USP50: variants seen among roughly 807,000 people sequenced by gnomAD.
The protein encoded by USP50 is ubiquitin specific peptidase 50, also known as ubiquitin carboxyl-terminal hydrolase 50.
A neutral mutation model predicts 39.2 loss-of-function variants in USP50; 37 were observed. The observed-to-expected ratio is 0.94, with a 90% CI of 0.73 to 1.24. The LOEUF (loss-of-function observed/expected upper bound fraction) is 1.24. Among genes scored for constraint, USP50 ranks in the 50% most tolerant of loss-of-function variants. The pLI is 0.00. For missense variants in USP50, 374 were observed against 398.2 expected, an observed-to-expected ratio of 0.94 and a Z score of 0.52; for synonymous variants, 139 against 144.5, an observed-to-expected ratio of 0.96 and a Z score of 0.27.
chr15:50,533,471 G>T (rs3105597), intron 5 of USP50, among the ~76,000 whole-genome samples: 10 of 151,654 alleles, frequency 6.6e-5, no homozygotes, highest in Admixed American at 5.3e-4. Context: ...AAGCCAGAGT[G>T]GGGGGGAAAA....
At chr15:50,495,874 A>C (rs1415816530), downstream of USP50, 1 of 1,613,770 alleles carries the variant, frequency 6.2e-7, no homozygotes, top group Non-Finnish European at 8.5e-7. Context: ...GATATAAAGA[A>C]GAAAATAATG....
chr15:50,546,532 G>A lies in USP50; in HGVS notation c.-7C>T. 1 of 1,613,468 alleles carries A rather than the reference G, an allele frequency of 6.2e-7. No homozygotes were observed. The highest frequency in any genetic ancestry group is 8.5e-7 in the Non-Finnish European group (1 of 1,179,530). Reference sequence around the variant, plus strand: ...GAGACGGCTGAGAAGTCATTTTAATGGAACCACGTTGGACTTTTGCTTCTA... The same window carrying A: ...GAGACGGCTGAGAAGTCATTTTAATAGAACCACGTTGGACTTTTGCTTCTA... On this transcript the variant is annotated 5_prime_UTR_variant, in exon 1 of 7. Coordinates refer to ENST00000532404, the MANE Select transcript of USP50 (RefSeq NM_203494.5).
intron 5 of USP50, among the ~76,000 whole-genome samples, chr15:50,530,438 G>C (rs1455192622): frequency 6.6e-6 from 1 of 151,804 alleles, no homozygotes. Context: ...AAAAAAATTA[G>C]CCGGGCATGG....
chr15:50,535,417 A>C (rs1040667438), intron 5 of USP50, among the ~76,000 whole-genome samples: 11 of 152,258 alleles, frequency 7.2e-5, no homozygotes, highest in African/African-American at 2.7e-4. Context: ...AAATAAGGGT[A>C]AGTTAGACCT....
intron 5 of USP50, chr15:50,532,094 A>T: frequency 2.2e-6 from 1 of 456,220 alleles, no homozygotes; most frequent in Non-Finnish European, 4.4e-6. Flanking sequence ...GAATTGCTAG[A>T]GGCTCAGTGC....
At chr15:50,540,955 T>A in intron 4 of USP50, 94 bp downstream of exon 4, 3 of 907,520 alleles carry the variant, frequency 3.3e-6, no homozygotes, top group Non-Finnish European at 5.1e-6. Context: ...TATAAAGCCG[T>A]CTCTCATACT....
chr15:50,514,599 T>G (rs2052784475), intron 6 of USP50, among the ~76,000 whole-genome samples: 1 of 152,104 alleles, frequency 6.6e-6, no homozygotes, highest in South Asian at 2.1e-4. Context: ...CGGCGCGATC[T>G]CGGCTCACTG....
chr15:50,546,339 T>C lies in USP50; in HGVS notation c.53+134A>G, dbSNP rs904368845. 6 of 864,994 alleles carry C rather than the reference T, an allele frequency of 6.9e-6. No individual in the cohort carries two copies. In the African/African-American group the frequency reaches 1.0e-4, roughly 15 times the overall value. The allele number at this position is 864,994 out of a possible 1,614,324, so 53.6% of individuals were successfully genotyped here. A position where few individuals can be genotyped will look rare whatever the true frequency, so the allele number is the denominator to read the frequency against. ...GCCAAGATATTAGGTACAATCTTCC[T>C]TCCTTTCCGGGGACCTTCCATGGGT... On this transcript the variant is annotated intron_variant, in intron 1 of 6. Coordinates refer to ENST00000532404, the MANE Select transcript of USP50 (RefSeq NM_203494.5).
intron 6 of USP50, among the ~76,000 whole-genome samples, chr15:50,525,662 A>G (rs890935246): frequency 1.4e-3 from 45 of 31,204 alleles, no homozygotes; most frequent in South Asian, 4.2e-3. Context: ...ATATGTATAT[A>G]TGTATATGTA....
rs981933009 is a variant in USP50 at position 50,530,179 on chromosome 15, G to A, written c.804-250C>T. Among the ~76,000 whole-genome samples, 4 of 152,280 alleles carry A rather than the reference G, an allele frequency of 2.6e-5. No homozygotes were observed. The East Asian group carries it at 5.8e-4, about 22-fold the overall frequency. On this transcript the variant is annotated intron_variant, in intron 5 of 6. Transcript: ENST00000532404. ...CACCTGTAGTCCCAGCTACTCAGGA[G>A]GCTAAGGTAGGAGGATCACCTGAGC...
At chr15:50,525,606 G>A (rs199608087) in intron 6 of USP50, among the ~76,000 whole-genome samples, 2,926 of 126,544 alleles carry the variant, frequency 0.023, 275 homozygotes, top group African/African-American at 0.061. Context: ...ATATGTATAT[G>A]TATATATGTA....
intron 6 of USP50, among the ~76,000 whole-genome samples, chr15:50,515,227 GGCTTGT>G (rs1184322273): frequency 1.3e-5 from 2 of 151,898 alleles, no homozygotes; most frequent in Non-Finnish European, 2.9e-5. Flanking sequence ...CACTTTATGA[GGCTTGT>G]GTTTTGTTGT....
At position 50,538,823 on chromosome 15, in the gene USP50, T is replaced by C. The variant is rs1472911229; in HGVS notation, c.689A>G (p.Asp230Gly). 2 of 1,610,700 alleles carry C rather than the reference T, an allele frequency of 1.2e-6. No individual in the cohort carries two copies. The highest frequency in any genetic ancestry group is 2.2e-5 in the East Asian group (1 of 44,848). ...RDCLQCFFQQDALTWNNEIHC... is the reference protein window; with the variant it reads ...RDCLQCFFQQGALTWNNEIHC... The stretch of plus-strand genomic sequence containing the variant: ...AATTTCGTTGTTCCAGGTCAGTGCG[T>C]CTTGTTGAAAAAAACATTGGAGACA... The change falls in exon 5 of 7, where the codon GAC becomes GGC. Residue 230 changes from aspartate (D) to glycine (G), a missense_variant. Asp to Gly is a moderately conservative substitution (Grantham distance 94). Coordinates refer to ENST00000532404, the MANE Select transcript of USP50 (RefSeq NM_203494.5).
In USP50 at chr15:50,517,133, T is replaced by C. The variant is rs548741460; in HGVS notation, c.936+12664A>G. On this transcript the variant is annotated intron_variant, in intron 6 of 6. Transcript: ENST00000532404. The stretch of plus-strand genomic sequence containing the variant: ...ATTATTCTCAAGCACATGCAGAATA[T>C]TCTCCAGGATCATATGTTAGAGGTC... 4.9e-4 allele frequency among the ~76,000 whole-genome samples: 74 copies of C among 152,302 alleles called. 1 individual carries two copies. In the South Asian group the frequency reaches 0.015, roughly 30 times the overall value.
In USP50 at chr15:50,529,793, T is replaced by A; in HGVS notation, c.936+4A>T. 1 of 1,609,440 alleles carries A rather than the reference T, an allele frequency of 6.2e-7. No homozygotes were observed. Among genetic ancestry groups the A allele is most frequent in the Non-Finnish European group, 8.5e-7 (1 of 1,178,760 alleles). On this transcript the variant is annotated splice_donor_region_variant and intron_variant, in intron 6 of 6. Transcript: ENST00000532404. The stretch of plus-strand genomic sequence containing the variant: ...ATTACTTTTAACAGTTTGTTTTTAC[T>A]CACCACCACTGCACAGAGGTTGTAT...
chr15:50,499,194 C>T (rs1261551917), downstream of USP50: 9 of 1,144,568 alleles, frequency 7.9e-6, no homozygotes, highest in African/African-American at 1.3e-4. Context: ...TAGAGGAATT[C>T]TAGGACAGTG....
At chr15:50,523,352 A>T (rs572243927) in intron 6 of USP50, among the ~76,000 whole-genome samples, 2 of 150,196 alleles carry the variant, frequency 1.3e-5, no homozygotes, top group East Asian at 4.0e-4. Context: ...TTTTAATTTT[A>T]TGTAGAGACA....
intron 6 of USP50, among the ~76,000 whole-genome samples, chr15:50,526,861 A>G (rs1043113843): frequency 2.6e-5 from 4 of 152,226 alleles, no homozygotes; most frequent in Non-Finnish European, 5.9e-5. Flanking sequence ...TAAAATGGGA[A>G]TAATACAGAG....
At chr15:50,537,782 C>G (rs2052990753) in intron 5 of USP50, among the ~76,000 whole-genome samples, 1 of 147,720 alleles carries the variant, frequency 6.8e-6, no homozygotes, top group Admixed American at 6.9e-5. Flanking sequence ...ATGGCTTGAA[C>G]TAGGGAAGTG....
Sources: gnomAD v4.1 joint callset for allele counts (sites outside exome capture counted in the v4.1 genomes callset) on GRCh38, gnomAD v4.1.1 for gene constraint, MANE v1.5 for transcripts, NCBI Gene and HGNC (gene_info 2026-07-23, HGNC 2026-07-21) for gene names.